KCND3: variants seen among roughly 807,000 people sequenced by gnomAD.
The protein encoded by KCND3 is potassium voltage-gated channel subfamily D member 3, also known as A-type voltage-gated potassium channel KCND3.
A neutral mutation model predicts 51.1 loss-of-function variants in KCND3; 9 were observed. The observed-to-expected ratio is 0.18, with a 90% CI of 0.11 to 0.31. The LOEUF (loss-of-function observed/expected upper bound fraction) is 0.31. Ranked by LOEUF, KCND3 falls within the 10% of genes least tolerant of loss-of-function variation. The pLI, the probability that KCND3 is intolerant of heterozygous loss-of-function variation, is 1.00. For missense variants in KCND3, 526 were observed against 903.8 expected (o/e 0.58, Z 5.36); for synonymous variants, 349 against 368.0 (o/e 0.95, Z 0.59).
At chr1:111,788,505 T>C (rs964769383) in intron 2 of KCND3, among the ~76,000 whole-genome samples, 1 of 152,230 alleles carries the variant, frequency 6.6e-6, no homozygotes, top group East Asian at 1.9e-4. Context: ...GGTGAATGAA[T>C]GAATGAATGA....
intron 2 of KCND3, among the ~76,000 whole-genome samples, chr1:111,892,690 C>T (rs1354616439): frequency 1.3e-5 from 2 of 152,142 alleles, no homozygotes; most frequent in African/African-American, 4.8e-5. Flanking sequence ...GTAATGTGAT[C>T]GGATGGAGTG....
intron 2 of KCND3, among the ~76,000 whole-genome samples, chr1:111,877,027 A>G (rs1356305905): frequency 2.6e-5 from 4 of 152,236 alleles, no homozygotes; most frequent in Admixed American, 1.3e-4. Flanking sequence ...AAACACATTT[A>G]GAAAAGTGCC....
intron 2 of KCND3, among the ~76,000 whole-genome samples, chr1:111,827,454 G>A (rs1441984388): frequency 6.6e-6 from 1 of 152,188 alleles, no homozygotes; most frequent in Admixed American, 6.5e-5. Flanking sequence ...GGGGTCCCAG[G>A]ACACTAAGCA....
At chr1:111,989,175 G>C (rs1315266044) in intron 1 of KCND3, 1 of 152,314 alleles carries the variant, frequency 6.6e-6, no homozygotes, top group Non-Finnish European at 1.5e-5. Context: ...CACCAAGAGC[G>C]GGGACGGAGC....
In KCND3 at chr1:111,780,217, G is replaced by T; in HGVS notation, c.1461+8C>A. 2 of 1,577,762 alleles carry T rather than the reference G, an allele frequency of 1.3e-6. No individual in the cohort carries two copies. The highest frequency in any genetic ancestry group is 2.3e-5 in the East Asian group (1 of 43,640). On this transcript the variant is annotated splice_region_variant and intron_variant, in intron 5 of 7. Transcript: ENST00000302127. This position sits in a 1 kb window ranked among gnomAD's most constrained non-coding sequence, Gnocchi z 4.2. Reference sequence around the variant, plus strand: ...ATGAAAAGGAGGTGGCAAAGGGCTGGGACTCACAGTGGTTTTTTCCAGGCA... The same window carrying T: ...ATGAAAAGGAGGTGGCAAAGGGCTGTGACTCACAGTGGTTTTTTCCAGGCA...
At chr1:111,854,892 C>T (rs1406608505) in intron 2 of KCND3, among the ~76,000 whole-genome samples, 1 of 152,204 alleles carries the variant, frequency 6.6e-6, no homozygotes, top group Non-Finnish European at 1.5e-5. Context: ...CAAGGCCTCG[C>T]TGTCTAGTCA....
chr1:111,977,510 G>C (rs998051091), intron 2 of KCND3, among the ~76,000 whole-genome samples: 23 of 152,192 alleles, frequency 1.5e-4, no homozygotes, highest in African/African-American at 5.5e-4. Flanking sequence ...TCAGAGCATG[G>C]GGTGACAGAT....
chr1:111,887,867 C>T (rs942334850), intron 2 of KCND3, among the ~76,000 whole-genome samples: 5 of 152,226 alleles, frequency 3.3e-5, no homozygotes, highest in Non-Finnish European at 7.3e-5. Context: ...AACCCATGTA[C>T]ACAGGAGACT....
chr1:111,988,572 C>T (rs1557774032), intron 1 of KCND3, among the ~76,000 whole-genome samples: 1 of 152,112 alleles, frequency 6.6e-6, no homozygotes, highest in South Asian at 2.1e-4. Context: ...ACCCAGGAGC[C>T]CTTTCTACAG....
intron 2 of KCND3, among the ~76,000 whole-genome samples, chr1:111,915,118 C>T (rs1272840038): frequency 6.6e-6 from 1 of 151,752 alleles, no homozygotes; most frequent in Non-Finnish European, 1.5e-5. Flanking sequence ...AAAAAAAATA[C>T]ATATGGATAA....
chr1:111,895,293 C>T (rs1670052709), intron 2 of KCND3, among the ~76,000 whole-genome samples: 1 of 151,488 alleles, frequency 6.6e-6, no homozygotes, highest in Non-Finnish European at 1.5e-5. Flanking sequence ...GGTTTCTCTG[C>T]TTTTACCAAA....
intron 2 of KCND3, among the ~76,000 whole-genome samples, chr1:111,828,688 A>AC (rs199979842): frequency 0.012 from 1,808 of 151,462 alleles, 13 homozygotes; most frequent in Non-Finnish European, 0.019. Context: ...GTATGGAGAG[A>AC]CCCCCCATCC....
intron 2 of KCND3, among the ~76,000 whole-genome samples, chr1:111,917,283 G>C (rs1370609960): frequency 6.6e-6 from 1 of 152,112 alleles, no homozygotes; most frequent in Non-Finnish European, 1.5e-5. Context: ...AAATTAAAAA[G>C]GATGCAAACT....
At chr1:111,907,920 A>G (rs1670722677) in intron 2 of KCND3, among the ~76,000 whole-genome samples, 1 of 152,158 alleles carries the variant, frequency 6.6e-6, no homozygotes, top group Admixed American at 6.5e-5. Context: ...GTGTCTCCAG[A>G]ACACACTGCC....
At chr1:111,951,157 CAAAAAAAAAA>C (rs71081206) in intron 2 of KCND3, among the ~76,000 whole-genome samples, 562 of 30,654 alleles carry the variant, frequency 0.018, 3 homozygotes, top group African/African-American at 0.047. Context: ...CAAACAAGAG[CAAAAAAAAAA>C]AAAAAAAAAA....
intron 2 of KCND3, among the ~76,000 whole-genome samples, chr1:111,910,610 C>A (rs1255087196): frequency 6.6e-6 from 1 of 152,220 alleles, no homozygotes; most frequent in Non-Finnish European, 1.5e-5. Context: ...CGAGAAGCAA[C>A]ACCAACCTCC....
At chr1:111,879,828 G>C (rs754999796) in intron 2 of KCND3, among the ~76,000 whole-genome samples, 1 of 152,196 alleles carries the variant, frequency 6.6e-6, no homozygotes. Flanking sequence ...GACTTGAGTA[G>C]GTGCATCCAG....
intron 2 of KCND3, among the ~76,000 whole-genome samples, chr1:111,846,392 C>G (rs570442250): frequency 6.6e-6 from 1 of 151,940 alleles, no homozygotes; most frequent in South Asian, 2.1e-4. Context: ...TGTAAGATAC[C>G]TTTCCTCTGT....
chr1:111,812,842 C>T (rs1665917389), intron 2 of KCND3, among the ~76,000 whole-genome samples: 1 of 152,216 alleles, frequency 6.6e-6, no homozygotes, highest in South Asian at 2.1e-4. Flanking sequence ...CTGCTGCACA[C>T]ACTACTGCTG....
Sources: gnomAD v4.1 joint callset for allele counts (sites outside exome capture counted in the v4.1 genomes callset) on GRCh38, gnomAD v4.1.1 for gene constraint, Gnocchi (gnomAD v3.1) non-coding constraint, MANE v1.5 for transcripts, NCBI Gene and HGNC (gene_info 2026-07-23, HGNC 2026-07-21) for gene names.